The following CREB3L2 variants were observed in gnomAD, a reference collection of about 807,000 sequenced individuals.
CREB3L2 encodes the protein cyclic AMP-responsive element-binding protein 3-like protein 2.
CREB3L2 carries 23 observed loss-of-function variants against 57.2 expected under a neutral mutation model. The ratio of observed to expected loss-of-function variants is 0.40; its 90% confidence interval spans 0.29 to 0.57. The LOEUF (loss-of-function observed/expected upper bound fraction) is 0.57, where lower values mean the gene tolerates loss of function less well. Ranked by LOEUF, CREB3L2 falls within the 20% of genes least tolerant of loss-of-function variation. The pLI is 0.42. For synonymous variants in CREB3L2, 268 were observed against 265.1 expected, an observed-to-expected ratio of 1.01 and a Z score of -0.11; for missense variants, 628 against 634.7, an observed-to-expected ratio of 0.99 and a Z score of 0.11.
At chr7:137,919,187 T>C (rs1800216715) in intron 2 of CREB3L2, among the ~76,000 whole-genome samples, 1 of 151,976 alleles carries the variant, frequency 6.6e-6, no homozygotes, top group Non-Finnish European at 1.5e-5. Flanking sequence ...TTTTTTTTTT[T>C]TTTTGAGACA....
chr7:137,949,098 A>AT (rs1801048924), intron 1 of CREB3L2, among the ~76,000 whole-genome samples: 1 of 152,240 alleles, frequency 6.6e-6, no homozygotes, highest in Admixed American at 6.5e-5. Flanking sequence ...CACTCGTCTC[A>AT]TGGCAATCTC....
chr7:137,972,732 TATATAGAG>T (rs1163206946), intron 1 of CREB3L2, among the ~76,000 whole-genome samples: 6 of 26,808 alleles, frequency 2.2e-4, no homozygotes, highest in East Asian at 8.1e-4. Context: ...TATATATATA[TATATAGAG>T]AGAGAGAGAG....
intron 1 of CREB3L2, among the ~76,000 whole-genome samples, chr7:137,998,876 A>T (rs1227673606): frequency 6.6e-6 from 1 of 152,228 alleles, no homozygotes; most frequent in East Asian, 1.9e-4. Context: ...CATGGGTGGC[A>T]GGCCATGTGG....
intron 3 of CREB3L2, among the ~76,000 whole-genome samples, chr7:137,914,011 T>C (rs1397604928): frequency 2.0e-5 from 3 of 152,204 alleles, no homozygotes; most frequent in Non-Finnish European, 2.9e-5. Context: ...ATAGCCACAA[T>C]GCACTTAAAT....
intron 1 of CREB3L2, among the ~76,000 whole-genome samples, chr7:137,988,111 C>A (rs888119627): frequency 6.6e-6 from 1 of 152,230 alleles, no homozygotes; most frequent in African/African-American, 2.4e-5. Context: ...CCACCTCTGT[C>A]CTCAGTACTC....
intron 1 of CREB3L2, among the ~76,000 whole-genome samples, chr7:137,967,876 T>C (rs1871214): frequency 1.3e-5 from 2 of 152,126 alleles, no homozygotes; most frequent in Non-Finnish European, 2.9e-5. Context: ...TGGGACACCA[T>C]GTAAATACCT....
At chr7:137,957,392 A>G (rs1406168957) in intron 1 of CREB3L2, among the ~76,000 whole-genome samples, 1 of 152,234 alleles carries the variant, frequency 6.6e-6, no homozygotes, top group Admixed American at 6.5e-5. Context: ...ATGCCTAGAC[A>G]TAACAGAAGG....
chr7:137,889,321 T>A (rs896691077), intron 8 of CREB3L2, among the ~76,000 whole-genome samples: 1 of 152,082 alleles, frequency 6.6e-6, no homozygotes, highest in African/African-American at 2.4e-5. Flanking sequence ...TGCTACAAGT[T>A]GGGAAGAAGG....
In CREB3L2 at chr7:137,903,128, C is replaced by G. The variant is rs563309765; in HGVS notation, c.974+831G>C. ...ACACCCAGCCTATTGAAGTTTTTTT[C>G]TGAATATTTTAGACCCATGGTTGGT... On this transcript the variant is annotated intron_variant, in intron 7 of 11. Coordinates refer to ENST00000330387, the MANE Select transcript of CREB3L2 (RefSeq NM_194071.4). Among the ~76,000 whole-genome samples the G allele has an allele frequency of 3.9e-5, 6 of 152,236 alleles. No homozygotes were observed. The South Asian group carries it at 1.2e-3, about 32-fold the overall frequency.
intron 1 of CREB3L2, among the ~76,000 whole-genome samples, chr7:137,973,858 A>C (rs1383299159): frequency 6.6e-6 from 1 of 152,224 alleles, no homozygotes; most frequent in Non-Finnish European, 1.5e-5. Context: ...GATTTCCAAC[A>C]ACCTGAAAAC....
intron 8 of CREB3L2, 138 bp from the exon 9 acceptor site, chr7:137,885,640 A>C: frequency 1.5e-6 from 1 of 684,976 alleles, no homozygotes; most frequent in East Asian, 2.7e-5. Flanking sequence ...TTCCTCTGGA[A>C]GAAGATACGA....
Position 137,882,511 on chromosome 7 carries a change from GAC to G in CREB3L2, c.1386_1387del (p.Ser463ArgfsTer18), listed in dbSNP as rs779511217. 6.2e-7 allele frequency: 1 copy of G among 1,613,992 alleles called. No individual in the cohort carries two copies. The highest frequency in any genetic ancestry group is 1.7e-5 in the Admixed American group (1 of 60,016). On this transcript the variant is annotated frameshift_variant, in exon 11 of 12. Coordinates refer to ENST00000330387, the MANE Select transcript of CREB3L2 (RefSeq NM_194071.4). LOFTEE classifies it high-confidence loss of function. ...CACATCCGGCCTGGACTCCAGCCCT[GAC>G]ACCCTGAGCAGGGAGGAACCTCTAT...
At chr7:137,899,123 A>G (rs1244333114) in intron 8 of CREB3L2, among the ~76,000 whole-genome samples, 4 of 141,006 alleles carry the variant, frequency 2.8e-5, no homozygotes, top group African/African-American at 7.9e-5. Flanking sequence ...GAAGGAAGGA[A>G]GGAAGGAAGG....
intron 1 of CREB3L2, among the ~76,000 whole-genome samples, chr7:137,971,412 T>A (rs1454850101): frequency 6.7e-6 from 1 of 150,316 alleles, no homozygotes; most frequent in African/African-American, 2.5e-5. Context: ...ATCGCGCCAT[T>A]GCACTCCAGC....
chr7:137,984,087 C>T (rs1231302197), intron 1 of CREB3L2, among the ~76,000 whole-genome samples: 1 of 152,190 alleles, frequency 6.6e-6, no homozygotes, highest in African/African-American at 2.4e-5. Context: ...TAAAGTAGCT[C>T]CCTTATCTGT....
intron 1 of CREB3L2, among the ~76,000 whole-genome samples, chr7:137,996,258 T>C (rs1801987130): frequency 6.6e-6 from 1 of 152,260 alleles, no homozygotes; most frequent in East Asian, 1.9e-4. Context: ...TTATCAAATC[T>C]TTCCTGACAG....
intron 8 of CREB3L2, among the ~76,000 whole-genome samples, chr7:137,894,742 C>A (rs1563242226): frequency 2.0e-5 from 3 of 152,204 alleles, no homozygotes; most frequent in Admixed American, 6.5e-5. Flanking sequence ...GAAGGAGAGC[C>A]AGCACAGGGC....
At chr7:137,954,153 G>A (rs758878195) in intron 1 of CREB3L2, among the ~76,000 whole-genome samples, 6 of 152,138 alleles carry the variant, frequency 3.9e-5, no homozygotes, top group Admixed American at 6.5e-5. Context: ...TACCTGTCCT[G>A]TCTACGCATG....
intron 1 of CREB3L2, among the ~76,000 whole-genome samples, chr7:137,940,730 C>T (rs1337275932): frequency 6.6e-6 from 1 of 152,068 alleles, no homozygotes; most frequent in Non-Finnish European, 1.5e-5. Context: ...CACTAACGGG[C>T]GATGAAGTTT....
Sources: allele counts gnomAD v4.1 joint callset (sites outside exome capture counted in the v4.1 genomes callset), GRCh38; gene constraint gnomAD v4.1.1; transcripts MANE v1.5; gene names NCBI Gene and HGNC (gene_info 2026-07-23, HGNC 2026-07-21).